Variants in CSK observed in about 807,000 individuals in gnomAD.
The protein encoded by CSK is C-terminal Src kinase, also known as tyrosine-protein kinase CSK.
CSK carries 7 observed loss-of-function variants against 62.3 expected under a neutral mutation model. That is an observed-to-expected ratio of 0.11 (90% CI 0.06 to 0.21). CSK has a LOEUF of 0.21. CSK is among the 10% of genes least tolerant of loss of function. The probability of loss-of-function intolerance (pLI) is 1.00; values close to 1 mark genes in which losing one functional copy is unlikely to be tolerated. For missense variants in CSK, 294 were observed against 613.5 expected (o/e 0.48, Z 5.50); for synonymous variants, 237 against 246.0 (o/e 0.96, Z 0.34).
chr15:74,802,571 C>A lies in CSK; in HGVS notation c.*58C>A. The stretch of plus-strand genomic sequence containing the variant: ...GGGACTGAACCTGGAAGATCATGGA[C>A]CTGGTGCCCCTGCTCACTGGGCCCG... On this transcript the variant is annotated 3_prime_UTR_variant, in exon 13 of 13. Coordinates refer to ENST00000220003, the MANE Select transcript of CSK (RefSeq NM_004383.3). The A allele has an allele frequency of 6.3e-7, 1 of 1,579,588 alleles. No homozygotes were observed. The highest frequency in any genetic ancestry group is 2.3e-5 in the East Asian group (1 of 44,296).
At chr15:74,785,402 C>T (rs776268448) in intron 1 of CSK, among the ~76,000 whole-genome samples, 3 of 152,154 alleles carry the variant, frequency 2.0e-5, no homozygotes, top group Admixed American at 6.5e-5. Flanking sequence ...CTATGAGTCC[C>T]AAAAGCAGCC....
At chr15:74,793,586 C>T (rs1441912428) in intron 1 of CSK, among the ~76,000 whole-genome samples, 1 of 152,184 alleles carries the variant, frequency 6.6e-6, no homozygotes, top group Non-Finnish European at 1.5e-5. Context: ...GTGGGCCTCA[C>T]TTGGGGTTCT....
chr15:74,786,013 T>TCTTTTTTCTTTTTTTGTG (rs1555464576), intron 1 of CSK, among the ~76,000 whole-genome samples: 12 of 47,840 alleles, frequency 2.5e-4, no homozygotes, highest in African/African-American at 8.0e-4. Context: ...TTTTTTTTTT[T>TCTTTTTTCTTTTTTTGTG]TGTGTGTGTG....
chr15:74,798,806 C>A lies in CSK; in HGVS notation c.130-20C>A. The A allele has an allele frequency of 6.2e-7, 1 of 1,603,928 alleles. No homozygotes were observed. The highest frequency in any genetic ancestry group is 1.1e-5 in the South Asian group (1 of 89,890). On this transcript the variant is annotated intron_variant, in intron 3 of 12. Transcript: ENST00000220003. This position sits in a 1 kb window ranked among gnomAD's most constrained non-coding sequence, Gnocchi z 6.6. ...GGGGGAGGTGGGCCTGAGAGCATGT[C>A]TGGGCTGCCCTCTCCCCAGGACCCC...
intron 1 of CSK, among the ~76,000 whole-genome samples, chr15:74,785,841 C>T (rs542230366): frequency 6.6e-6 from 1 of 152,152 alleles, no homozygotes; most frequent in East Asian, 1.9e-4. Context: ...GCCTGCCTTC[C>T]CTTCTCCCCA....
chr15:74,798,421 C>T lies in CSK; in HGVS notation c.15+109C>T, dbSNP rs188895080. 9.8e-4 allele frequency: 1,414 copies of T among 1,438,066 alleles called. 5 individuals are homozygous for T. Among genetic ancestry groups the T allele is most frequent in the East Asian group, 9.6e-3 (389 of 40,630 alleles). 89.1% of individuals were successfully genotyped at this position (1,438,066 alleles called of 1,614,324 possible). On this transcript the variant is annotated intron_variant, in intron 2 of 12. Transcript: ENST00000220003. The surrounding 1 kb of genome is among the most constrained non-coding windows in gnomAD (Gnocchi z 6.6). ...TTAGATCAACCCACTCCCCTTTTTC[C>T]CAGCACTCAGTCAGGTACAGGCCTG... is the stretch of plus-strand genomic sequence containing the variant.
chr15:74,787,298 C>T (rs1008179273), intron 1 of CSK, among the ~76,000 whole-genome samples: 1 of 152,178 alleles, frequency 6.6e-6, no homozygotes, highest in African/African-American at 2.4e-5. Flanking sequence ...CAGGGAGAGG[C>T]TGGCTTTGGG....
At chr15:74,796,181 C>G (rs1345964919) in intron 1 of CSK, among the ~76,000 whole-genome samples, 2 of 151,898 alleles carry the variant, frequency 1.3e-5, no homozygotes, top group East Asian at 3.9e-4. Flanking sequence ...TGAGTCACCC[C>G]ACCACTGCGT....
rs1232728038 is a variant in CSK at position 74,786,000 on chromosome 15, C to CTTTTTTTT, written c.-66+3281_-66+3282insTTTTTTTT. ...CAAGGCCTCTTCTCTCTCTCTCTCT[C>CTTTTTTTT]TCTTTTTTTTTTTTGTGTGTGTGTG... On this transcript the variant is annotated intron_variant, in intron 1 of 12. Coordinates refer to ENST00000220003, the MANE Select transcript of CSK (RefSeq NM_004383.3). Among the ~76,000 whole-genome samples, 4 of 59,938 alleles carry CTTTTTTTT rather than the reference C, an allele frequency of 6.7e-5. No individual in the cohort carries two copies. In the East Asian group the frequency reaches 1.5e-3, roughly 22 times the overall value. 39.3% of individuals were successfully genotyped at this position (59,938 alleles called of 152,430 possible).
At chr15:74,794,970 C>G (rs900943191) in intron 1 of CSK, among the ~76,000 whole-genome samples, 4 of 152,162 alleles carry the variant, frequency 2.6e-5, no homozygotes, top group African/African-American at 9.7e-5. Context: ...CCTACAGTGT[C>G]CCCTGAGCAG....
chr15:74,800,237 G>C (rs377571228), intron 5 of CSK, among the ~76,000 whole-genome samples, 175 bp from the exon 6 acceptor site: 1 of 152,168 alleles, frequency 6.6e-6, no homozygotes, highest in Non-Finnish European at 1.5e-5. Context: ...TGGGCCATAC[G>C]TCATAATCTG....
rs1003749190 is a variant in CSK at position 74,802,665 on chromosome 15, C to T, written c.*152C>T. 4.1e-5 allele frequency: 40 copies of T among 968,696 alleles called. No homozygotes were observed. Among genetic ancestry groups the T allele is most frequent in the Admixed American group, 9.6e-5 (3 of 31,254 alleles). 60.0% of individuals were successfully genotyped at this position (968,696 alleles called of 1,614,324 possible). On this transcript the variant is annotated 3_prime_UTR_variant, in exon 13 of 13. Coordinates refer to ENST00000220003, the MANE Select transcript of CSK (RefSeq NM_004383.3). ...GTCCCAGCCTGCACCCCTCCGGCCC[C>T]GTCTCTCTTGGACCCACCTGTGGGG... is the stretch of plus-strand genomic sequence containing the variant.
At chr15:74,792,140 A>AT (rs1483098950) in intron 1 of CSK, among the ~76,000 whole-genome samples, 1 of 151,994 alleles carries the variant, frequency 6.6e-6, no homozygotes, top group Non-Finnish European at 1.5e-5. Flanking sequence ...ACATCTTGTA[A>AT]TTTATCCACC....
chr15:74,798,186 G>A lies in CSK; in HGVS notation c.-65-47G>A. 2.5e-6 allele frequency: 3 copies of A among 1,208,228 alleles called. No homozygotes were observed. Among genetic ancestry groups the A allele is most frequent in the Admixed American group, 2.7e-5 (1 of 36,818 alleles). 74.8% of individuals were successfully genotyped at this position (1,208,228 alleles called of 1,614,324 possible). A position where few individuals can be genotyped will look rare whatever the true frequency, so the allele number is the denominator to read the frequency against. Reference sequence around the variant, plus strand: ...GAGGAGCCAGATCTCAGCAGTTGGGGGGCATTTCTTCACACCCCTCCTCAG... The same window carrying A: ...GAGGAGCCAGATCTCAGCAGTTGGGAGGCATTTCTTCACACCCCTCCTCAG... On this transcript the variant is annotated intron_variant, in intron 1 of 12. Transcript: ENST00000220003. This position sits in a 1 kb window ranked among gnomAD's most constrained non-coding sequence, Gnocchi z 6.6.
chr15:74,799,107 G>C, intron 4 of CSK, 165 bp from the exon 5 acceptor site: 1 of 960,490 alleles, frequency 1.0e-6, no homozygotes, highest in Non-Finnish European at 1.5e-6. Flanking sequence ...GGGGGCAGAG[G>C]CAGGAGGGTG....
At chr15:74,796,772 A>T (rs1361717138) in intron 1 of CSK, among the ~76,000 whole-genome samples, 1 of 152,114 alleles carries the variant, frequency 6.6e-6, no homozygotes, top group Non-Finnish European at 1.5e-5. Context: ...GACAGTCTGA[A>T]AACCAACCCC....
rs374925952 is a variant in CSK, at chr15:74,784,647, T to G, written c.-66+1927T>G. On this transcript the variant is annotated intron_variant, in intron 1 of 12. Transcript: ENST00000220003. Reference sequence around the variant, plus strand: ...GCAGGGGGGCCAGACCCCAAAAGGCTGAGCCACACAGAGTGGCCCTCGGCA... The same window carrying G: ...GCAGGGGGGCCAGACCCCAAAAGGCGGAGCCACACAGAGTGGCCCTCGGCA... Among the ~76,000 whole-genome samples, 126 of 152,320 alleles carry G rather than the reference T, an allele frequency of 8.3e-4. 1 individual carries two copies. In the South Asian group the frequency reaches 0.024, roughly 29 times the overall value.
rs1397891097 is a variant in CSK, at chr15:74,798,530, T to G, written c.16-85T>G. 2 of 1,362,106 alleles carry G rather than the reference T, an allele frequency of 1.5e-6. No individual in the cohort carries two copies. The highest frequency in any genetic ancestry group is 2.1e-6 in the Non-Finnish European group (2 of 967,146). The allele number at this position is 1,362,106 out of a possible 1,614,324, so 84.4% of individuals were successfully genotyped here. A position where few individuals can be genotyped will look rare whatever the true frequency, so the allele number is the denominator to read the frequency against. ...CTCACCCAGGCTCACAGAGGCCAGC[T>G]CAGAGGCTGTGACCACGAGGGTGCG... On this transcript the variant is annotated intron_variant, in intron 2 of 12. Coordinates refer to ENST00000220003, the MANE Select transcript of CSK (RefSeq NM_004383.3). The surrounding 1 kb of genome is among the most constrained non-coding windows in gnomAD (Gnocchi z 6.6).
At chr15:74,787,864 A>G (rs2063547892) in intron 1 of CSK, among the ~76,000 whole-genome samples, 1 of 152,084 alleles carries the variant, frequency 6.6e-6, no homozygotes, top group Admixed American at 6.6e-5. Context: ...CCTCATGCAG[A>G]CTCGCGCATC....
Sources: allele counts gnomAD v4.1 joint callset (sites outside exome capture counted in the v4.1 genomes callset), GRCh38; gene constraint gnomAD v4.1.1; non-coding constraint Gnocchi (gnomAD v3.1); transcripts MANE v1.5; gene names NCBI Gene and HGNC (gene_info 2026-07-23, HGNC 2026-07-21).